The following VAPB variants were observed in gnomAD, a reference collection of about 807,000 sequenced individuals.
VAPB encodes the protein VAMP associated protein B and C.
VAPB carries 7 observed loss-of-function variants against 25.6 expected under a neutral mutation model. The ratio of observed to expected loss-of-function variants is 0.27; its 90% confidence interval spans 0.16 to 0.51. VAPB has a LOEUF of 0.51. Ranked by LOEUF, VAPB falls within the 20% of genes least tolerant of loss-of-function variation. The pLI, the probability that VAPB is intolerant of heterozygous loss-of-function variation, is 0.97. For missense variants in VAPB, 266 were observed against 301.3 expected (o/e 0.88, Z 0.87); for synonymous variants, 112 against 109.2 (o/e 1.03, Z -0.16).
At position 58,389,305 on chromosome 20, in the gene VAPB, C is replaced by T. The variant is rs764261897; in HGVS notation, c.-155C>T. 1 of 681,596 alleles carries T rather than the reference C, an allele frequency of 1.5e-6. No individual in the cohort carries two copies. The highest frequency in any genetic ancestry group is 1.5e-5 in the South Asian group (1 of 66,288). The allele number at this position is 681,596 out of a possible 1,614,324, so 42.2% of individuals were successfully genotyped here. On this transcript the variant is annotated 5_prime_UTR_variant, in exon 1 of 6. Transcript: ENST00000475243. ...TGCGCCTGCACCGCGTAGACCGACC[C>T]CCCCCCAGCGCGCCCACCCGGTAGA... is the stretch of plus-strand genomic sequence containing the variant.
rs1989329574 is a variant in VAPB, at chr20:58,447,695, G to A, written c.*3460G>A. ...GCATGTGTGCATGTGTGGCATATGT[G>A]CCGTATGTCAGTAGCTTGACAGTTT... is the stretch of plus-strand genomic sequence containing the variant. On this transcript the variant is annotated 3_prime_UTR_variant, in exon 6 of 6. Coordinates refer to ENST00000475243, the MANE Select transcript of VAPB (RefSeq NM_004738.5). 4.4e-6 allele frequency: 2 copies of A among 453,586 alleles called. No individual in the cohort carries two copies. Among genetic ancestry groups the A allele is most frequent in the South Asian group, 3.1e-5 (2 of 64,464 alleles). The allele number at this position is 453,586 out of a possible 1,614,324, so 28.1% of individuals were successfully genotyped here. A position where few individuals can be genotyped will look rare whatever the true frequency, so the allele number is the denominator to read the frequency against.
In VAPB at chr20:58,444,354, C is replaced by CTTTAAATTACCCCTCCCTGCA. The variant is rs764983858; in HGVS notation, c.*120_*140dup. The CTTTAAATTACCCCTCCCTGCA allele has an allele frequency of 2.8e-6, 4 of 1,433,334 alleles. No individual in the cohort carries two copies. The highest frequency in any genetic ancestry group is 3.9e-6 in the Non-Finnish European group (4 of 1,020,902). The allele number at this position is 1,433,334 out of a possible 1,614,324, so 88.8% of individuals were successfully genotyped here. ...TATGATGACATCTCACAGGTCTTGC[C>CTTTAAATTACCCCTCCCTGCA]TTTAAATTACCCCTCCCTGCACACA... is the stretch of plus-strand genomic sequence containing the variant. On this transcript the variant is annotated 3_prime_UTR_variant, in exon 6 of 6. Transcript: ENST00000475243.
At position 58,448,144 on chromosome 20, in the gene VAPB, A is replaced by T. The variant is rs185933122; in HGVS notation, c.*3909A>T. On this transcript the variant is annotated 3_prime_UTR_variant, in exon 6 of 6. Coordinates refer to ENST00000475243, the MANE Select transcript of VAPB (RefSeq NM_004738.5). ...TTGTTGAGAAGGAGTGTTCTCAAAGATGAGCTGGAATGGAATTGTATTTAG... is the reference window on the plus strand; with the variant it reads ...TTGTTGAGAAGGAGTGTTCTCAAAGTTGAGCTGGAATGGAATTGTATTTAG... The T allele has an allele frequency of 8.8e-6, 4 of 454,032 alleles. No individual in the cohort carries two copies. The highest frequency in any genetic ancestry group is 7.0e-5 in the Admixed American group (3 of 42,568). The allele number at this position is 454,032 out of a possible 1,614,324, so 28.1% of individuals were successfully genotyped here.
chr20:58,389,359 C>T lies in VAPB; in HGVS notation c.-101C>T, dbSNP rs1319935063. 2.8e-6 allele frequency: 4 copies of T among 1,413,880 alleles called. No individual in the cohort carries two copies. Among genetic ancestry groups the T allele is most frequent in the Non-Finnish European group, 2.9e-6 (3 of 1,029,856 alleles). 87.6% of individuals were successfully genotyped at this position (1,413,880 alleles called of 1,614,324 possible). Reference sequence around the variant, plus strand: ...CCCCCGCCCGTGCCCCGACCGGTCCCCGCCTTTTTGTAAAACTTAAAGCGG... The same window carrying T: ...CCCCCGCCCGTGCCCCGACCGGTCCTCGCCTTTTTGTAAAACTTAAAGCGG... On this transcript the variant is annotated 5_prime_UTR_variant, in exon 1 of 6. Coordinates refer to ENST00000475243, the MANE Select transcript of VAPB (RefSeq NM_004738.5).
chr20:58,404,380 C>T lies in VAPB; in HGVS notation c.59-13831C>T, dbSNP rs147287956. 5.8e-4 allele frequency among the ~76,000 whole-genome samples: 89 copies of T among 152,298 alleles called. No homozygotes were observed. In the Middle Eastern group the frequency reaches 0.01, roughly 18 times the overall value. ...ATAGCGTTATCACACTGTACTTTCA[C>T]CCAAGTTCCCTACAGCTCAAAGTGT... On this transcript the variant is annotated intron_variant, in intron 1 of 5. Transcript: ENST00000475243.
intron 5 of VAPB, among the ~76,000 whole-genome samples, chr20:58,443,403 T>TTG (rs1989203892): frequency 1.3e-5 from 2 of 149,122 alleles, no homozygotes; most frequent in Non-Finnish European, 3.0e-5. Context: ...TTTAGGTTTT[T>TTG]TTTTTTTTTT....
chr20:58,389,302 A>AC lies in VAPB; in HGVS notation c.-149dup, dbSNP rs546898989. 37,282 of 395,364 alleles carry AC rather than the reference A, an allele frequency of 0.094. 2,062 individuals carry two copies. Among genetic ancestry groups the AC allele is most frequent in the African/African-American group, 0.28 (11,196 of 40,420 alleles). The allele number at this position is 395,364 out of a possible 1,614,324, so 24.5% of individuals were successfully genotyped here. Reference sequence around the variant, plus strand: ...CCCTGCGCCTGCACCGCGTAGACCGACCCCCCCCCAGCGCGCCCACCCGGT... The same window carrying AC: ...CCCTGCGCCTGCACCGCGTAGACCGACCCCCCCCCCAGCGCGCCCACCCGGT... On this transcript the variant is annotated 5_prime_UTR_variant, in exon 1 of 6. Transcript: ENST00000475243.
At chr20:58,444,048 G>A in intron 5 of VAPB, 29 bp from the exon 6 acceptor site, 2 of 1,614,164 alleles carry the variant, frequency 1.2e-6, no homozygotes, top group Non-Finnish European at 8.5e-7. Context: ...GCCTTGGCTT[G>A]TCTTTGAAAT....
rs546443956 is a variant in VAPB at position 58,445,047 on chromosome 20, T to C, written c.*812T>C. ...CTGTTGGGTGAACTGGTATTGCTGC[T>C]GGAGGGCTGTGGGCTCCTCTGTCTC... On this transcript the variant is annotated 3_prime_UTR_variant, in exon 6 of 6. Transcript: ENST00000475243. 3.1e-5 allele frequency: 14 copies of C among 454,850 alleles called. No homozygotes were observed. Among genetic ancestry groups the C allele is most frequent in the African/African-American group, 2.4e-4 (12 of 50,142 alleles). 28.2% of individuals were successfully genotyped at this position (454,850 alleles called of 1,614,324 possible). A position where few individuals can be genotyped will look rare whatever the true frequency, so the allele number is the denominator to read the frequency against.
chr20:58,395,242 C>T (rs1220482315), intron 1 of VAPB, among the ~76,000 whole-genome samples: 1 of 151,202 alleles, frequency 6.6e-6, no homozygotes, highest in African/African-American at 2.4e-5. Context: ...ACCTCCGCCT[C>T]CTGGGTTCAA....
At chr20:58,395,348 C>T (rs1287849314) in intron 1 of VAPB, among the ~76,000 whole-genome samples, 2 of 152,094 alleles carry the variant, frequency 1.3e-5, no homozygotes, top group African/African-American at 4.8e-5. Context: ...GACGGGGTTT[C>T]ACCATGTTGG....
Position 58,389,365 on chromosome 20 carries a change from T to C in VAPB, c.-95T>C. On this transcript the variant is annotated 5_prime_UTR_variant, in exon 1 of 6. Transcript: ENST00000475243. ...CCCGTGCCCCGACCGGTCCCCGCCT[T>C]TTTGTAAAACTTAAAGCGGGCGCAG... 7.9e-7 allele frequency: 1 copy of C among 1,260,356 alleles called. No individual in the cohort carries two copies. Among genetic ancestry groups the C allele is most frequent in the Non-Finnish European group, 1.1e-6 (1 of 939,454 alleles). The allele number at this position is 1,260,356 out of a possible 1,614,324, so 78.1% of individuals were successfully genotyped here. A position where few individuals can be genotyped will look rare whatever the true frequency, so the allele number is the denominator to read the frequency against.
intron 1 of VAPB, among the ~76,000 whole-genome samples, chr20:58,400,760 C>T (rs974541961): frequency 1.3e-5 from 2 of 152,150 alleles, no homozygotes; most frequent in Admixed American, 1.3e-4. Flanking sequence ...GAAGCATACA[C>T]AAGAATAAAA....
At chr20:58,439,493 C>T (rs1438364763) in intron 4 of VAPB, 1 of 199,604 alleles carries the variant, frequency 5.0e-6, no homozygotes, top group Admixed American at 5.3e-5. Context: ...ATGAGGATTT[C>T]TCAGCCTCAA....
Position 58,449,304 on chromosome 20 carries a change from G to A in VAPB, c.*5069G>A, listed in dbSNP as rs1283925294. 4.4e-6 allele frequency: 2 copies of A among 449,624 alleles called. No individual in the cohort carries two copies. The highest frequency in any genetic ancestry group is 8.9e-6 in the Non-Finnish European group (2 of 225,732). 27.9% of individuals were successfully genotyped at this position (449,624 alleles called of 1,614,324 possible). A position where few individuals can be genotyped will look rare whatever the true frequency, so the allele number is the denominator to read the frequency against. ...GCTGTATCTACGGCACTTAACAATA[G>A]GGGCTTTTTATTTTCATTACAGAGA... On this transcript the variant is annotated 3_prime_UTR_variant, in exon 6 of 6. Coordinates refer to ENST00000475243, the MANE Select transcript of VAPB (RefSeq NM_004738.5).
At chr20:58,395,384 C>T (rs944289090) in intron 1 of VAPB, among the ~76,000 whole-genome samples, 13 of 152,172 alleles carry the variant, frequency 8.5e-5, no homozygotes, top group South Asian at 2.1e-4. Context: ...CTCTTGACCT[C>T]GTGATCCGCC....
chr20:58,412,417 TAAAAATACA>T (rs1256549000), intron 1 of VAPB, among the ~76,000 whole-genome samples: 1 of 151,854 alleles, frequency 6.6e-6, no homozygotes, highest in Non-Finnish European at 1.5e-5. Flanking sequence ...CTGTCTCTAT[TAAAAATACA>T]AAAATTAGCC....
Position 58,423,414 on chromosome 20 carries a change from C to CAAAAAAAAAAAAAAAAA in VAPB, c.211+5070_211+5086dup, listed in dbSNP as rs59133081. Among the ~76,000 whole-genome samples, 10 of 34,766 alleles carry CAAAAAAAAAAAAAAAAA rather than the reference C, an allele frequency of 2.9e-4. 2 individuals are homozygous for CAAAAAAAAAAAAAAAAA. Among genetic ancestry groups the CAAAAAAAAAAAAAAAAA allele is most frequent in the South Asian group, 1.7e-3 (1 of 576 alleles). The allele number at this position is 34,766 out of a possible 152,430, so 22.8% of individuals were successfully genotyped here. A position where few individuals can be genotyped will look rare whatever the true frequency, so the allele number is the denominator to read the frequency against. On this transcript the variant is annotated intron_variant, in intron 2 of 5. Transcript: ENST00000475243. Reference sequence around the variant, plus strand: ...GCAACAAGAGAGAAACTCCATCTCACAAAAAAAAAAAAAAAAAAAAAAAAA... The same window carrying CAAAAAAAAAAAAAAAAA: ...GCAACAAGAGAGAAACTCCATCTCACAAAAAAAAAAAAAAAAAAAAAAAAAAAAAAAAAAAAAAAAAA...
intron 1 of VAPB, among the ~76,000 whole-genome samples, chr20:58,413,020 C>T (rs1988418719): frequency 6.6e-6 from 1 of 152,042 alleles, no homozygotes. Context: ...GGTCTTTGAC[C>T]TTCAAACCAG....
Sources: gnomAD v4.1 joint callset for allele counts (sites outside exome capture counted in the v4.1 genomes callset) on GRCh38, gnomAD v4.1.1 for gene constraint, MANE v1.5 for transcripts, NCBI Gene and HGNC (gene_info 2026-07-23, HGNC 2026-07-21) for gene names.